Variants in CDH10 observed in about 807,000 individuals in gnomAD.
The protein encoded by CDH10 is cadherin-10.
CDH10 carries 30 observed loss-of-function variants against 73.1 expected under a neutral mutation model. The ratio of observed to expected loss-of-function variants is 0.41; its 90% CI spans 0.31 to 0.56. The LOEUF is 0.56. CDH10 is among the 20% of genes least tolerant of loss of function. The pLI, the probability that CDH10 is intolerant of heterozygous loss-of-function variation, is 0.27. For synonymous variants in CDH10, 345 were observed against 348.2 expected (o/e 0.99, Z 0.10); for missense variants, 815 against 973.7 (o/e 0.84, Z 2.17).
rs571502800 is a variant in CDH10, at chr5:24,563,228, A to G, written c.232-25554T>C. Reference sequence around the variant, plus strand: ...AATTACAGATGAGTTGTACTGTTGTATCTACCTCAATTTAGGTTTGATGTT... The same window carrying G: ...AATTACAGATGAGTTGTACTGTTGTGTCTACCTCAATTTAGGTTTGATGTT... On this transcript the variant is annotated intron_variant, in intron 2 of 11. Coordinates refer to ENST00000264463, the MANE Select transcript of CDH10 (RefSeq NM_006727.5). Among the ~76,000 whole-genome samples, 15 of 152,212 alleles carry G rather than the reference A, an allele frequency of 9.9e-5. No homozygotes were observed. In the South Asian group the frequency reaches 3.1e-3, roughly 32 times the overall value.
intron 2 of CDH10, among the ~76,000 whole-genome samples, chr5:24,548,307 A>G (rs1744414377): frequency 6.6e-6 from 1 of 151,482 alleles, no homozygotes; most frequent in African/African-American, 2.4e-5. Context: ...TTTAGTAGAG[A>G]TGGGGGTTCA....
At chr5:24,515,303 T>G (rs1187753763) in intron 5 of CDH10, among the ~76,000 whole-genome samples, 2 of 152,110 alleles carry the variant, frequency 1.3e-5, no homozygotes, top group Non-Finnish European at 2.9e-5. Context: ...TTCAAACAGT[T>G]TTCAAGGAAT....
At position 24,509,589 on chromosome 5, in the gene CDH10, T is replaced by G. The variant is rs1374216631; in HGVS notation, c.1233A>C (p.Pro411=). 1 of 1,614,008 alleles carries G rather than the reference T, an allele frequency of 6.2e-7. No individual in the cohort carries two copies. The highest frequency in any genetic ancestry group is 2.2e-5 in the East Asian group (1 of 44,860). ...TIIGTVMARD[P]DSISSPIRFS... ...ACCTAATGGGGCTGGAAATAGAATC[T>G]GGGTCCCTTGCCATTACAGTACCAA... The change falls in exon 7 of 12, where the codon CCA becomes CCC. Residue 411 remains proline (P), a synonymous_variant. Transcript: ENST00000264463.
At chr5:24,606,675 TA>T (rs1263643409) in intron 1 of CDH10, among the ~76,000 whole-genome samples, 4 of 152,128 alleles carry the variant, frequency 2.6e-5, no homozygotes, top group African/African-American at 9.7e-5. Flanking sequence ...ATGCAATGTA[TA>T]AAAAAGATTT....
chr5:24,580,014 C>T (rs558772563), intron 2 of CDH10, among the ~76,000 whole-genome samples: 39 of 152,234 alleles, frequency 2.6e-4, no homozygotes, highest in Non-Finnish European at 5.4e-4. Flanking sequence ...GATTTATAGT[C>T]TCCAGTTGCT....
chr5:24,642,546 G>A (rs1404889953), intron 1 of CDH10, among the ~76,000 whole-genome samples: 1 of 152,030 alleles, frequency 6.6e-6, no homozygotes, highest in Non-Finnish European at 1.5e-5. Flanking sequence ...ATTAAAATCA[G>A]TTTTGTATCC....
At chr5:24,616,598 A>C (rs1313888770) in intron 1 of CDH10, among the ~76,000 whole-genome samples, 1 of 152,214 alleles carries the variant, frequency 6.6e-6, no homozygotes, top group Non-Finnish European at 1.5e-5. Context: ...CTATATTTAA[A>C]AAAAGAATTC....
intron 1 of CDH10, among the ~76,000 whole-genome samples, chr5:24,620,773 T>C (rs1747289840): frequency 6.6e-6 from 1 of 152,046 alleles, no homozygotes; most frequent in Admixed American, 6.6e-5. Flanking sequence ...TGTTAAGCGG[T>C]GCCCATACCA....
chr5:24,603,991 C>A (rs528974916), intron 1 of CDH10, among the ~76,000 whole-genome samples: 2 of 152,168 alleles, frequency 1.3e-5, no homozygotes, highest in East Asian at 1.9e-4. Context: ...CAAGAATATA[C>A]GATCAAACAA....
At chr5:24,500,960 C>A (rs1742473592) in intron 8 of CDH10, among the ~76,000 whole-genome samples, 1 of 152,094 alleles carries the variant, frequency 6.6e-6, no homozygotes, top group South Asian at 2.1e-4. Flanking sequence ...TCATTATTTT[C>A]CACTTCCTCT....
intron 1 of CDH10, among the ~76,000 whole-genome samples, chr5:24,611,214 AATTG>A (rs1366879155): frequency 2.0e-5 from 3 of 152,098 alleles, no homozygotes; most frequent in Admixed American, 1.3e-4. Flanking sequence ...CCACCCCTTT[AATTG>A]ATACACCAAA....
At chr5:24,573,596 G>C (rs1269620274) in intron 2 of CDH10, among the ~76,000 whole-genome samples, 3 of 150,800 alleles carry the variant, frequency 2.0e-5, no homozygotes, top group Non-Finnish European at 4.4e-5. Context: ...AGCTACTCCG[G>C]AGGCTGAGGC....
intron 8 of CDH10, among the ~76,000 whole-genome samples, chr5:24,504,336 A>G (rs1474182397): frequency 6.6e-6 from 1 of 151,854 alleles, no homozygotes; most frequent in African/African-American, 2.4e-5. Flanking sequence ...TTGTTAACAA[A>G]TTTTTATCTT....
At chr5:24,555,225 A>G (rs1452804828) in intron 2 of CDH10, among the ~76,000 whole-genome samples, 1 of 152,124 alleles carries the variant, frequency 6.6e-6, no homozygotes, top group Non-Finnish European at 1.5e-5. Context: ...TGGATTTCCT[A>G]AAGTATCAGT....
Position 24,491,646 on chromosome 5 carries a change from G to A in CDH10, c.1806C>T (p.Ala602=), listed in dbSNP as rs1742059018. ...TGCTGAGGCCGGCAGGGAGGAGCAG[G>A]GCTTCAGCACTGCAGGATTGCATGT... The part of the protein sequence containing the change: ...QGNMQSCSAE[A]LLLPAGLSTG... Residue 602 remains alanine, a synonymous_variant, in exon 11 of 12, where the codon GCC becomes GCT. Coordinates refer to ENST00000264463, the MANE Select transcript of CDH10 (RefSeq NM_006727.5). 1 of 1,612,784 alleles carries A rather than the reference G, an allele frequency of 6.2e-7. No individual in the cohort carries two copies. Among genetic ancestry groups the A allele is most frequent in the Non-Finnish European group, 8.5e-7 (1 of 1,178,880 alleles).
In CDH10 at chr5:24,535,221, C is replaced by T. The variant is rs369491204; in HGVS notation, c.705G>A (p.Val235=). ...MNRENREQYQ[V]VIQAKDMGGQ... is the part of the protein sequence containing the mutation. ...CGCCCATGTCTTTGGCCTGGATGAC[C>T]ACTTGGTATTGCTCTCTGTTTTCTC... is the stretch of plus-strand genomic sequence containing the variant. Residue 235 remains valine (V), a synonymous_variant, in exon 5 of 12, where the codon GTG becomes GTA. Transcript: ENST00000264463. 1.9e-6 allele frequency: 3 copies of T among 1,613,440 alleles called. No individual in the cohort carries two copies. In the South Asian group the frequency reaches 3.3e-5, roughly 18 times the overall value.
At position 24,611,189 on chromosome 5, in the gene CDH10, G is replaced by T. The variant is rs538476052; in HGVS notation, c.-123-17576C>A. ...TTCCCTCACGGGGTGCCCATGACTA[G>T]GCCATATTAAGTATCCACCCCTTTA... On this transcript the variant is annotated intron_variant, in intron 1 of 11. Transcript: ENST00000264463. Among the ~76,000 whole-genome samples the T allele has an allele frequency of 1.4e-4, 22 of 152,160 alleles. 1 individual carries two copies. The South Asian group carries it at 4.6e-3, about 32-fold the overall frequency.
Position 24,487,966 on chromosome 5 carries a change from T to C in CDH10, c.2064A>G (p.Arg688=), listed in dbSNP as rs1258910422. The C allele has an allele frequency of 6.2e-7, 1 of 1,613,966 alleles. No homozygotes were observed. The highest frequency in any genetic ancestry group is 8.5e-7 in the Non-Finnish European group (1 of 1,179,942). Residue 688 remains arginine (R), a synonymous_variant, in exon 12 of 12, where the codon CGA becomes CGG. Transcript: ENST00000264463. ...PAAIEEKKLR[R]DIIPETLFIP... The stretch of plus-strand genomic sequence containing the variant: ...TAAATAACGTTTCTGGAATAATATC[T>C]CGCCGGAGCTTTTTTTCCTCAATGG...
intron 6 of CDH10, 83 bp downstream of exon 6, chr5:24,511,244 T>C: frequency 2.5e-6 from 2 of 815,384 alleles, no homozygotes; most frequent in Middle Eastern, 4.8e-4. Flanking sequence ...TATTTCCCAA[T>C]GGATCATTCA....
Sources: gnomAD v4.1 joint callset for allele counts (sites outside exome capture counted in the v4.1 genomes callset) on GRCh38, gnomAD v4.1.1 for gene constraint, MANE v1.5 for transcripts, NCBI Gene and HGNC (gene_info 2026-07-23, HGNC 2026-07-21) for gene names.